The following PRDM5 variants were observed in gnomAD, a reference collection of about 807,000 sequenced individuals.
PRDM5 encodes PR/SET domain 5.
Under a neutral mutation model 81.2 loss-of-function variants are expected in PRDM5, and 56 were observed. That is an observed-to-expected ratio of 0.69 (90% CI 0.56 to 0.86). The LOEUF (loss-of-function observed/expected upper bound fraction) is 0.86, where lower values mean the gene tolerates loss of function less well. Among genes scored for constraint, PRDM5 ranks in the 40% least tolerant of loss-of-function variants. PRDM5 has a pLI of 0.00. For synonymous variants in PRDM5, 267 were observed against 256.4 expected, an observed-to-expected ratio of 1.04 and a Z score of -0.39; for missense variants, 697 against 770.1, an observed-to-expected ratio of 0.91 and a Z score of 1.12.
At chr4:120,720,292 C>T (rs1205358013) in intron 14 of PRDM5, among the ~76,000 whole-genome samples, 1 of 152,194 alleles carries the variant, frequency 6.6e-6, no homozygotes, top group African/African-American at 2.4e-5. Context: ...CTGATGTGTG[C>T]TCCTCACCAT....
chr4:120,707,817 C>T (rs1333984907), intron 15 of PRDM5, among the ~76,000 whole-genome samples: 1 of 151,990 alleles, frequency 6.6e-6, no homozygotes, highest in Non-Finnish European at 1.5e-5. Flanking sequence ...TTTAAAACCT[C>T]TTAAAAAGAC....
intron 13 of PRDM5, among the ~76,000 whole-genome samples, chr4:120,759,419 G>C (rs1745280521): frequency 6.6e-6 from 1 of 152,152 alleles, no homozygotes; most frequent in Admixed American, 6.5e-5. Context: ...TGGACTCCGA[G>C]GACAAAGCTA....
chr4:120,854,849 G>A (rs1240173398), intron 2 of PRDM5, among the ~76,000 whole-genome samples: 1 of 151,970 alleles, frequency 6.6e-6, no homozygotes, highest in Non-Finnish European at 1.5e-5. Context: ...AGAGCTAGGG[G>A]AAGACTGTTT....
At chr4:120,708,078 G>A (rs770656930) in intron 15 of PRDM5, among the ~76,000 whole-genome samples, 2 of 152,066 alleles carry the variant, frequency 1.3e-5, no homozygotes, top group Non-Finnish European at 1.5e-5. Flanking sequence ...TCGCTCCTAA[G>A]GAAAACAGTA....
intron 3 of PRDM5, among the ~76,000 whole-genome samples, chr4:120,832,508 G>A (rs866452374): frequency 6.6e-6 from 1 of 152,064 alleles, no homozygotes; most frequent in East Asian, 1.9e-4. Context: ...TGTATTGCAT[G>A]AGAATTAGCT....
At chr4:120,785,133 C>T in intron 10 of PRDM5, 42 bp from the exon 11 acceptor site, 1 of 1,427,912 alleles carries the variant, frequency 7.0e-7, no homozygotes. Flanking sequence ...CTAGAATCAA[C>T]CAGTCATTAC....
At chr4:120,751,805 C>T (rs1395297361) in intron 14 of PRDM5, among the ~76,000 whole-genome samples, 1 of 152,136 alleles carries the variant, frequency 6.6e-6, no homozygotes, top group Non-Finnish European at 1.5e-5. Context: ...GGAAAGCATT[C>T]GTGCAGTCAC....
chr4:120,863,329 C>A (rs1449763476), intron 2 of PRDM5, among the ~76,000 whole-genome samples: 1 of 151,636 alleles, frequency 6.6e-6, no homozygotes, highest in Non-Finnish European at 1.5e-5. Flanking sequence ...TATGCCTTTT[C>A]CCTTATGATA....
intron 8 of PRDM5, among the ~76,000 whole-genome samples, chr4:120,802,982 C>A (rs1274612291): frequency 6.6e-6 from 1 of 152,130 alleles, no homozygotes; most frequent in Non-Finnish European, 1.5e-5. Context: ...GAATGGCTAA[C>A]TAGAATAAGC....
chr4:120,747,519 C>T (rs1471435797), intron 14 of PRDM5, among the ~76,000 whole-genome samples: 1 of 151,952 alleles, frequency 6.6e-6, no homozygotes, highest in African/African-American at 2.4e-5. Flanking sequence ...ACCACCCAAA[C>T]CCTCTAGATA....
chr4:120,828,383 A>G (rs1326762910), intron 3 of PRDM5, among the ~76,000 whole-genome samples: 5 of 152,068 alleles, frequency 3.3e-5, no homozygotes, highest in Admixed American at 2.0e-4. Flanking sequence ...ACATATGGGA[A>G]AACTGAGGCT....
At chr4:120,915,777 T>C (rs561408124) in intron 1 of PRDM5, among the ~76,000 whole-genome samples, 2 of 151,978 alleles carry the variant, frequency 1.3e-5, no homozygotes, top group South Asian at 4.2e-4. Flanking sequence ...CTGACACAAG[T>C]TAAAAGATTA....
At chr4:120,835,678 G>C (rs1404397166) in intron 3 of PRDM5, among the ~76,000 whole-genome samples, 1 of 152,160 alleles carries the variant, frequency 6.6e-6, no homozygotes, top group African/African-American at 2.4e-5. Context: ...CCCCAGCCAT[G>C]AGGAACTGTA....
intron 14 of PRDM5, among the ~76,000 whole-genome samples, chr4:120,717,889 G>A (rs1738026180): frequency 6.7e-6 from 1 of 149,108 alleles, no homozygotes; most frequent in Non-Finnish European, 1.5e-5. Flanking sequence ...CAGAGGCCAA[G>A]GTAAAGGTGT....
Position 120,816,494 on chromosome 4 carries a change from C to T in PRDM5, c.824G>A (p.Ser275Asn), listed in dbSNP as rs1419534476. ...KADSCGKRLKSKDALKRHQEN... is the reference protein window; with the variant it reads ...KADSCGKRLKNKDALKRHQEN... ...CTGGTGTCTTTTCAGGGCATCCTTG[C>T]TCTTCAGCCTCTTTCCACAGCTGTC... is the stretch of plus-strand genomic sequence containing the variant. The change falls in exon 7 of 16, where the codon AGC becomes AAC. Residue 275 changes from serine (S) to asparagine (N), a missense_variant. Physicochemically the swap from Ser to Asn is conservative, Grantham distance 46 (BLOSUM62 1). Transcript: ENST00000264808. The T allele has an allele frequency of 6.2e-7, 1 of 1,614,062 alleles. No homozygotes were observed. The highest frequency in any genetic ancestry group is 8.5e-7 in the Non-Finnish European group (1 of 1,180,038).
chr4:120,890,191 G>A (rs188796585), intron 2 of PRDM5, among the ~76,000 whole-genome samples: 29 of 152,282 alleles, frequency 1.9e-4, no homozygotes, highest in Non-Finnish European at 3.5e-4. Flanking sequence ...GAGGCCTCAG[G>A]AAATGTACAA....
chr4:120,871,639 T>TA (rs1219331796), intron 2 of PRDM5, among the ~76,000 whole-genome samples: 7 of 152,152 alleles, frequency 4.6e-5, no homozygotes, highest in Non-Finnish European at 1.0e-4. Flanking sequence ...ATCGTAAACT[T>TA]AAAAAATTAC....
chr4:120,790,077 G>A (rs1750348556), intron 10 of PRDM5, among the ~76,000 whole-genome samples: 1 of 152,126 alleles, frequency 6.6e-6, no homozygotes, highest in African/African-American at 2.4e-5. Flanking sequence ...TCCAAGTCAG[G>A]AAACCTTCCA....
intron 2 of PRDM5, among the ~76,000 whole-genome samples, chr4:120,877,546 T>G (rs553579359): frequency 2.2e-4 from 33 of 152,340 alleles, no homozygotes; most frequent in African/African-American, 7.5e-4. Context: ...GGCTCACGCC[T>G]GTAATCCCAG....
Sources: allele counts gnomAD v4.1 joint callset (sites outside exome capture counted in the v4.1 genomes callset), GRCh38; gene constraint gnomAD v4.1.1; transcripts MANE v1.5; gene names NCBI Gene and HGNC (gene_info 2026-07-23, HGNC 2026-07-21).